SORCS1: variants seen among roughly 807,000 people sequenced by gnomAD.
SORCS1 encodes sortilin related VPS10 domain containing receptor 1, also known as VPS10 domain-containing receptor SorCS1.
In SORCS1, 60 loss-of-function variants were observed where a neutral mutation model predicts 146.1. That is an observed-to-expected ratio of 0.41 (90% CI 0.33 to 0.51). The LOEUF (loss-of-function observed/expected upper bound fraction) is 0.51. SORCS1 is among the 20% of genes least tolerant of loss of function. SORCS1 has a pLI of 0.21. For synonymous variants in SORCS1, 637 were observed against 584.0 expected (o/e 1.09, Z -1.31); for missense variants, 1,352 against 1,487.6 (o/e 0.91, Z 1.50).
intron 6 of SORCS1, among the ~76,000 whole-genome samples, chr10:106,728,023 T>C (rs900927826): frequency 3.4e-5 from 5 of 147,134 alleles, no homozygotes; most frequent in South Asian, 2.2e-4. Flanking sequence ...ATCAAAGCAA[T>C]GGGAAGTAAG....
At chr10:106,640,497 G>T (rs928026042) in intron 18 of SORCS1, among the ~76,000 whole-genome samples, 1 of 152,186 alleles carries the variant, frequency 6.6e-6, no homozygotes, top group Non-Finnish European at 1.5e-5. Flanking sequence ...ATTATGCAGA[G>T]AATTGCATCT....
At chr10:106,748,845 T>C (rs1165465880) in intron 5 of SORCS1, among the ~76,000 whole-genome samples, 2 of 152,204 alleles carry the variant, frequency 1.3e-5, no homozygotes, top group African/African-American at 2.4e-5. Flanking sequence ...TTATATTGAC[T>C]AATCCTACAT....
intron 1 of SORCS1, among the ~76,000 whole-genome samples, chr10:107,135,278 C>T (rs1702980898): frequency 6.6e-6 from 1 of 152,182 alleles, no homozygotes; most frequent in Admixed American, 6.5e-5. Context: ...GTCCAGAAGG[C>T]TGAAGACTAT....
intron 2 of SORCS1, among the ~76,000 whole-genome samples, chr10:106,901,073 G>A (rs1951681215): frequency 6.6e-6 from 1 of 152,116 alleles, no homozygotes; most frequent in African/African-American, 2.4e-5. Context: ...GCAGCCCTCT[G>A]GAGAAGGATT....
intron 6 of SORCS1, among the ~76,000 whole-genome samples, chr10:106,718,421 G>T (rs993818251): frequency 2.0e-5 from 3 of 152,200 alleles, no homozygotes; most frequent in African/African-American, 7.2e-5. Context: ...AAGATGGTGT[G>T]CCCGGAGTTT....
intron 2 of SORCS1, among the ~76,000 whole-genome samples, chr10:106,894,258 C>T (rs57918140): frequency 0.035 from 4,967 of 142,592 alleles, 282 homozygotes; most frequent in African/African-American, 0.12. Context: ...TGTGTGCGCG[C>T]GCGCACGTGT....
At chr10:106,877,298 T>C (rs1564763443) in intron 2 of SORCS1, among the ~76,000 whole-genome samples, 1 of 151,980 alleles carries the variant, frequency 6.6e-6, no homozygotes, top group Non-Finnish European at 1.5e-5. Context: ...AAGAATAAAG[T>C]GGGAATGGGC....
intron 2 of SORCS1, among the ~76,000 whole-genome samples, chr10:106,851,070 A>T (rs1054945932): frequency 2.0e-5 from 3 of 152,206 alleles, no homozygotes; most frequent in African/African-American, 4.8e-5. Context: ...AGCTAGCTTG[A>T]AACCTACTGA....
intron 23 of SORCS1, among the ~76,000 whole-genome samples, chr10:106,601,147 A>G (rs1294787712): frequency 6.6e-6 from 1 of 152,240 alleles, no homozygotes; most frequent in African/African-American, 2.4e-5. Context: ...GTATGGCAAC[A>G]GCCTAAATGA....
At chr10:106,941,070 C>T (rs556397830) in intron 2 of SORCS1, among the ~76,000 whole-genome samples, 102 of 152,148 alleles carry the variant, frequency 6.7e-4, no homozygotes, top group Middle Eastern at 3.4e-3. Context: ...TCAGTTTCCA[C>T]GTCTACAAAA....
chr10:107,172,615 G>A, the SORCS1 span, among the ~76,000 whole-genome samples: 1 of 152,180 alleles, frequency 6.6e-6, no homozygotes, highest in Non-Finnish European at 1.5e-5. Context: ...CTTAACCTCA[G>A]TCCAAAACCT....
intron 6 of SORCS1, among the ~76,000 whole-genome samples, chr10:106,727,085 C>CAA (rs1255567074): frequency 9.8e-6 from 1 of 101,710 alleles, no homozygotes; most frequent in Non-Finnish European, 2.1e-5. Context: ...GACTCTGTCT[C>CAA]AAAAAAAAAA....
chr10:106,680,310 G>A (rs546502536), intron 10 of SORCS1, among the ~76,000 whole-genome samples: 31 of 152,348 alleles, frequency 2.0e-4, no homozygotes, highest in African/African-American at 7.5e-4. Context: ...CTGAAGAGGA[G>A]AAATGGGATA....
At chr10:107,175,540 T>C in the SORCS1 span, among the ~76,000 whole-genome samples, 2 of 152,112 alleles carry the variant, frequency 1.3e-5, no homozygotes, top group South Asian at 4.1e-4. Context: ...CAGGTTCAAG[T>C]GATTCTCTTG....
At chr10:106,872,255 C>T (rs1950437863) in intron 2 of SORCS1, among the ~76,000 whole-genome samples, 1 of 152,132 alleles carries the variant, frequency 6.6e-6, no homozygotes, top group Admixed American at 6.5e-5. Context: ...ATAATTGGGC[C>T]AGGTGCATGT....
intron 19 of SORCS1, 124 bp from the exon 20 acceptor site, chr10:106,620,685 A>C: frequency 8.2e-7 from 1 of 1,217,690 alleles, no homozygotes. Context: ...ATATTCCCCA[A>C]AAGAAGTGTT....
At chr10:107,168,988 T>C (rs1412211307), upstream of SORCS1, among the ~76,000 whole-genome samples, 1 of 152,180 alleles carries the variant, frequency 6.6e-6, no homozygotes, top group Non-Finnish European at 1.5e-5. Flanking sequence ...GGGGAATATA[T>C]ATACTCCCCA....
At chr10:106,930,120 A>G (rs900937627) in intron 2 of SORCS1, among the ~76,000 whole-genome samples, 1 of 152,124 alleles carries the variant, frequency 6.6e-6, no homozygotes, top group African/African-American at 2.4e-5. Context: ...CTCTACTAAA[A>G]AAAGTACAAA....
At chr10:107,038,495 C>T (rs1959010337) in intron 1 of SORCS1, among the ~76,000 whole-genome samples, 2 of 152,014 alleles carry the variant, frequency 1.3e-5, no homozygotes, top group African/African-American at 4.8e-5. Flanking sequence ...ACATATGTAA[C>T]AAACCTGCAC....
Sources: gnomAD v4.1 joint callset for allele counts (sites outside exome capture counted in the v4.1 genomes callset) on GRCh38, gnomAD v4.1.1 for gene constraint, MANE v1.5 for transcripts, NCBI Gene and HGNC (gene_info 2026-07-23, HGNC 2026-07-21) for gene names.